CAMTA1: variants seen among roughly 807,000 people sequenced by gnomAD.
CAMTA1 encodes the protein calmodulin binding transcription activator 1, also known as calmodulin-binding transcription activator 1.
A neutral mutation model predicts 170.9 loss-of-function variants in CAMTA1; 27 were observed. The ratio of observed to expected loss-of-function variants is 0.16; its 90% confidence interval spans 0.12 to 0.22. CAMTA1 has a LOEUF of 0.22. Among genes scored for constraint, CAMTA1 ranks in the 10% least tolerant of loss-of-function variants. The probability of loss-of-function intolerance (pLI) is 1.00; values close to 1 mark genes in which losing one functional copy is unlikely to be tolerated. For missense variants in CAMTA1, 1,619 were observed against 2,217.2 expected, an observed-to-expected ratio of 0.73 and a Z score of 5.42; for synonymous variants, 833 against 891.5, an observed-to-expected ratio of 0.93 and a Z score of 1.17.
chr1:6,939,376 TA>T (rs1439698143), intron 3 of CAMTA1, among the ~76,000 whole-genome samples: 124 of 152,350 alleles, frequency 8.1e-4, no homozygotes, highest in African/African-American at 2.9e-3. Context: ...GTGCATTTCA[TA>T]ATTATCATAT....
intron 3 of CAMTA1, among the ~76,000 whole-genome samples, chr1:6,903,301 C>G (rs1677544739): frequency 6.6e-6 from 1 of 152,102 alleles, no homozygotes; most frequent in African/African-American, 2.4e-5. Context: ...GAAGTGTAGG[C>G]TCACTCCCAT....
At chr1:7,213,745 C>T (rs57574805) in intron 4 of CAMTA1, among the ~76,000 whole-genome samples, 6 of 152,076 alleles carry the variant, frequency 3.9e-5, no homozygotes, top group African/African-American at 1.4e-4. Context: ...TCTCCTAATG[C>T]TATCCCTCCC....
chr1:7,073,017 A>G (rs971528287), intron 3 of CAMTA1, among the ~76,000 whole-genome samples: 3 of 152,190 alleles, frequency 2.0e-5, no homozygotes, highest in African/African-American at 7.2e-5. Flanking sequence ...GGGAGATCCA[A>G]AAGGCAGATG....
At chr1:7,183,347 G>C (rs1652604594) in intron 4 of CAMTA1, among the ~76,000 whole-genome samples, 1 of 152,062 alleles carries the variant, frequency 6.6e-6, no homozygotes, top group Non-Finnish European at 1.5e-5. Context: ...CTGCAACTTG[G>C]GGACCATATT....
At chr1:6,872,869 A>ATG (rs890373834) in intron 3 of CAMTA1, among the ~76,000 whole-genome samples, 6 of 152,348 alleles carry the variant, frequency 3.9e-5, no homozygotes, top group African/African-American at 1.4e-4. Context: ...TTTAATGCTG[A>ATG]TGTTTTAATT....
chr1:7,176,197 A>G (rs1650788908), intron 4 of CAMTA1, among the ~76,000 whole-genome samples: 2 of 152,226 alleles, frequency 1.3e-5, no homozygotes, highest in South Asian at 4.1e-4. Flanking sequence ...ATTTTGTCAG[A>G]TCAGAGTTTT....
At chr1:7,371,203 G>T (rs915484652) in intron 5 of CAMTA1, among the ~76,000 whole-genome samples, 1 of 151,182 alleles carries the variant, frequency 6.6e-6, no homozygotes, top group Non-Finnish European at 1.5e-5. Flanking sequence ...GAGCCACCGT[G>T]CCTGGCCTGG....
At chr1:7,276,303 A>ATTTTTTTTTTTTTTTTTTT (rs1180773965) in intron 5 of CAMTA1, among the ~76,000 whole-genome samples, 12 of 24,226 alleles carry the variant, frequency 5.0e-4, no homozygotes, top group Non-Finnish European at 5.5e-4. Flanking sequence ...ATATATATAT[A>ATTTTTTTTTTTTTTTTTTT]TTTTTTTTTT....
At chr1:7,453,201 C>A (rs1011488398) in intron 5 of CAMTA1, among the ~76,000 whole-genome samples, 39 of 152,212 alleles carry the variant, frequency 2.6e-4, no homozygotes, top group Non-Finnish European at 1.9e-4. Context: ...TCGTGTCCAG[C>A]GGCAGCCTGG....
chr1:7,278,120 A>T (rs1413662799), intron 5 of CAMTA1, among the ~76,000 whole-genome samples: 1 of 152,258 alleles, frequency 6.6e-6, no homozygotes, highest in Admixed American at 6.5e-5. Flanking sequence ...CCTAAAAATT[A>T]GCTCCATATG....
chr1:7,488,618 A>G (rs571774220), intron 6 of CAMTA1, among the ~76,000 whole-genome samples: 4 of 151,208 alleles, frequency 2.6e-5, no homozygotes, highest in African/African-American at 7.4e-5. Flanking sequence ...TGTAACACAT[A>G]CACATACAAT....
intron 6 of CAMTA1, among the ~76,000 whole-genome samples, chr1:7,602,158 C>T (rs1462688668): frequency 1.4e-5 from 2 of 138,368 alleles, no homozygotes; most frequent in African/African-American, 5.3e-5. Context: ...CTCCCTCCCT[C>T]CCTCCTCCCT....
chr1:7,250,565 C>T (rs1290988883), intron 5 of CAMTA1, among the ~76,000 whole-genome samples: 1 of 152,176 alleles, frequency 6.6e-6, no homozygotes, highest in African/African-American at 2.4e-5. Context: ...TAGCTGGGAC[C>T]ATAAACCCAC....
At chr1:7,048,511 C>T (rs929104754) in intron 3 of CAMTA1, among the ~76,000 whole-genome samples, 6 of 152,186 alleles carry the variant, frequency 3.9e-5, no homozygotes, top group Non-Finnish European at 5.9e-5. Context: ...GGTGTGGCTA[C>T]GCCAGCTGGG....
intron 4 of CAMTA1, among the ~76,000 whole-genome samples, chr1:7,180,825 A>G (rs1218748646): frequency 6.6e-6 from 1 of 152,120 alleles, no homozygotes; most frequent in Non-Finnish European, 1.5e-5. Flanking sequence ...ACTTTCAAAG[A>G]CCAGATATTC....
At chr1:7,461,565 C>T (rs555227712) in intron 5 of CAMTA1, among the ~76,000 whole-genome samples, 1 of 152,290 alleles carries the variant, frequency 6.6e-6, no homozygotes, top group Non-Finnish European at 1.5e-5. Flanking sequence ...GTTAGATAGC[C>T]CAGCTTTAAA....
intron 9 of CAMTA1, among the ~76,000 whole-genome samples, chr1:7,667,049 C>A (rs2096007671): frequency 6.6e-6 from 1 of 152,106 alleles, no homozygotes; most frequent in African/African-American, 2.4e-5. Context: ...CTGCTGCATC[C>A]AGCTAATTTT....
chr1:7,590,171 A>C (rs1054172861), intron 6 of CAMTA1, among the ~76,000 whole-genome samples: 1 of 152,166 alleles, frequency 6.6e-6, no homozygotes, highest in Admixed American at 6.5e-5. Context: ...GTGAGGACAT[A>C]AGCCCCCAAC....
chr1:6,957,688 A>G (rs1474336975), intron 3 of CAMTA1, among the ~76,000 whole-genome samples: 2 of 152,158 alleles, frequency 1.3e-5, no homozygotes, highest in African/African-American at 4.8e-5. Flanking sequence ...CACTAAGGTG[A>G]TTGTTTCCAT....
Sources: gnomAD v4.1 joint callset for allele counts (sites outside exome capture counted in the v4.1 genomes callset) on GRCh38, gnomAD v4.1.1 for gene constraint, MANE v1.5 for transcripts, NCBI Gene and HGNC (gene_info 2026-07-23, HGNC 2026-07-21) for gene names.